ATF7IP: variants seen among roughly 807,000 people sequenced by gnomAD.
ATF7IP encodes the protein activating transcription factor 7 interacting protein, also known as activating transcription factor 7-interacting protein 1.
A neutral mutation model predicts 106.4 loss-of-function variants in ATF7IP; 23 were observed. The ratio of observed to expected loss-of-function variants is 0.22; its 90% CI spans 0.16 to 0.31. The LOEUF (loss-of-function observed/expected upper bound fraction) is 0.31, where lower values mean the gene tolerates loss of function less well. ATF7IP is among the 10% of genes least tolerant of loss of function. ATF7IP has a pLI of 1.00. For synonymous variants in ATF7IP, 542 were observed against 539.0 expected, an observed-to-expected ratio of 1.01 and a Z score of -0.08; for missense variants, 1,334 against 1,524.3, an observed-to-expected ratio of 0.88 and a Z score of 2.08.
At chr12:14,496,135 A>G (rs1014163361) in intron 13 of ATF7IP, 96 bp from the exon 14 acceptor site, 1 of 742,852 alleles carries the variant, frequency 1.3e-6, no homozygotes. Flanking sequence ...GAATCTTGAA[A>G]ACATTGCTTC....
At chr12:14,414,625 A>ATGGGGTG (rs1941107386) in intron 1 of ATF7IP, among the ~76,000 whole-genome samples, 2 of 152,180 alleles carry the variant, frequency 1.3e-5, no homozygotes, top group Non-Finnish European at 2.9e-5. Flanking sequence ...CCTCTGCCAC[A>ATGGGGTG]AGGCCTAGAT....
intron 13 of ATF7IP, among the ~76,000 whole-genome samples, chr12:14,485,903 G>C (rs1263227757): frequency 6.6e-6 from 1 of 152,214 alleles, no homozygotes; most frequent in African/African-American, 2.4e-5. Context: ...ATTGAATGGG[G>C]ATGTGGTGGC....
At chr12:14,456,966 T>A (rs1242364731) in intron 7 of ATF7IP, among the ~76,000 whole-genome samples, 1 of 152,242 alleles carries the variant, frequency 6.6e-6, no homozygotes, top group Non-Finnish European at 1.5e-5. Context: ...GTATTCAGGT[T>A]AAGTACTGAT....
intron 5 of ATF7IP, among the ~76,000 whole-genome samples, chr12:14,443,839 A>G (rs546814561): frequency 1.4e-4 from 22 of 152,270 alleles, no homozygotes; most frequent in African/African-American, 4.8e-4. Flanking sequence ...ATATAAGGAC[A>G]ATATATTCTA....
chr12:14,459,741 G>A (rs1943568702), intron 8 of ATF7IP, among the ~76,000 whole-genome samples: 1 of 152,224 alleles, frequency 6.6e-6, no homozygotes, highest in Admixed American at 6.5e-5. Context: ...ATAAATCAAT[G>A]AGAAAGAAGT....
chr12:14,397,247 A>T (rs1419113560), intron 1 of ATF7IP, among the ~76,000 whole-genome samples: 1 of 152,224 alleles, frequency 6.6e-6, no homozygotes, highest in Non-Finnish European at 1.5e-5. Context: ...GAGGCTATTG[A>T]AGTTGAGTGT....
At chr12:14,410,493 A>T (rs749516014) in intron 1 of ATF7IP, among the ~76,000 whole-genome samples, 8 of 152,166 alleles carry the variant, frequency 5.3e-5, no homozygotes, top group Non-Finnish European at 1.2e-4. Context: ...ATTTAGTAAC[A>T]GCTTCAACGT....
At chr12:14,386,327 T>C (rs1346735702) in intron 1 of ATF7IP, among the ~76,000 whole-genome samples, 1 of 152,160 alleles carries the variant, frequency 6.6e-6, no homozygotes, top group Non-Finnish European at 1.5e-5. Context: ...GAAATTCTTA[T>C]TCACGTAGTA....
chr12:14,457,451 A>G (rs1943471223), intron 8 of ATF7IP, among the ~76,000 whole-genome samples, 156 bp downstream of exon 8: 1 of 152,198 alleles, frequency 6.6e-6, no homozygotes, highest in Admixed American at 6.5e-5. Flanking sequence ...CAAACTGGGT[A>G]TGGTGGCACA....
At position 14,387,501 on chromosome 12, in the gene ATF7IP, C is replaced by T. The variant is rs570251411; in HGVS notation, c.-8+21674C>T. ...AGTTTATGCTGGTCTTGAGTGGGAT[C>T]TTAGGGAAATTTTAATAACCCAGTC... On this transcript the variant is annotated intron_variant, in intron 1 of 14. Transcript: ENST00000261168. Among the ~76,000 whole-genome samples, 3 of 152,150 alleles carry T rather than the reference C, an allele frequency of 2.0e-5. No individual in the cohort carries two copies. In the South Asian group the frequency reaches 6.2e-4, roughly 32 times the overall value.
intron 1 of ATF7IP, among the ~76,000 whole-genome samples, chr12:14,368,177 G>A (rs1260688026): frequency 6.6e-6 from 1 of 151,974 alleles, no homozygotes; most frequent in Admixed American, 6.6e-5. Flanking sequence ...ACAATGCTTA[G>A]AAATAACCAC....
Position 14,424,994 on chromosome 12 carries a change from G to T in ATF7IP, c.1079G>T (p.Cys360Phe). 6.2e-7 allele frequency: 1 copy of T among 1,611,152 alleles called. No homozygotes were observed. The highest frequency in any genetic ancestry group is 8.5e-7 in the Non-Finnish European group (1 of 1,179,330). The change falls in exon 2 of 15, where the codon TGT becomes TTT. Residue 360 changes from cysteine (C) to phenylalanine (F), a missense_variant. By Grantham distance (205) the Cys-to-Phe change is radical. This residue lies in a region of ATF7IP where 438 missense variants were observed against 405.3 expected (regional missense o/e 1.08). Transcript: ENST00000261168. ...ETLETDDTTI[C>F]SDRPPENEKK... is the part of the protein sequence containing the mutation. The stretch of plus-strand genomic sequence containing the variant: ...CTAGAAACAGATGATACAACTATTT[G>T]TTCAGATCGACCTCCTGAAAATGAA...
At chr12:14,441,478 T>C (rs1344585163) in intron 5 of ATF7IP, among the ~76,000 whole-genome samples, 1 of 149,472 alleles carries the variant, frequency 6.7e-6, no homozygotes, top group Non-Finnish European at 1.5e-5. Flanking sequence ...ATATTCTGGA[T>C]ACCAAAGTCT....
At chr12:14,456,966 T>G (rs1242364731) in intron 7 of ATF7IP, among the ~76,000 whole-genome samples, 1 of 152,242 alleles carries the variant, frequency 6.6e-6, no homozygotes, top group Non-Finnish European at 1.5e-5. Context: ...GTATTCAGGT[T>G]AAGTACTGAT....
At chr12:14,431,554 A>G (rs1056353982) in intron 2 of ATF7IP, among the ~76,000 whole-genome samples, 6 of 151,916 alleles carry the variant, frequency 3.9e-5, no homozygotes, top group African/African-American at 1.5e-4. Context: ...ACCACTACAT[A>G]CAGCTAATTT....
In ATF7IP at chr12:14,434,373, A is replaced by G; in HGVS notation, c.1595A>G (p.Glu532Gly). Residue 532 changes from glutamate (E) to glycine (G), a missense_variant, in exon 3 of 15, where the codon GAG becomes GGG. Glu to Gly is a moderately conservative substitution (Grantham distance 98). Transcript: ENST00000261168. ...VESNEKDNKP[E>G]EEEQVIHEDD... ...AGTAATGAAAAGGACAACAAACCTG[A>G]GGAAGAAGAGCAAGTAATACATGAA... The G allele has an allele frequency of 1.3e-6, 2 of 1,593,944 alleles. No homozygotes were observed. Among genetic ancestry groups the G allele is most frequent in the Non-Finnish European group, 1.7e-6 (2 of 1,164,306 alleles).
intron 1 of ATF7IP, among the ~76,000 whole-genome samples, chr12:14,377,905 G>A (rs963701698): frequency 3.3e-5 from 5 of 151,968 alleles, no homozygotes; most frequent in African/African-American, 2.4e-5. Context: ...TGGGATTACA[G>A]GCATAAGCCA....
intron 1 of ATF7IP, among the ~76,000 whole-genome samples, chr12:14,377,260 G>A (rs1938782711): frequency 6.6e-6 from 1 of 151,814 alleles, no homozygotes; most frequent in Non-Finnish European, 1.5e-5. Context: ...CTCCCAAAGT[G>A]CTGTGGTTAT....
intron 13 of ATF7IP, among the ~76,000 whole-genome samples, chr12:14,491,214 T>C (rs1170611794): frequency 1.3e-5 from 2 of 152,140 alleles, no homozygotes; most frequent in African/African-American, 2.4e-5. Context: ...CACTCAAAAC[T>C]GGCAGCCTTT....
Sources: gnomAD v4.1 joint callset for allele counts (sites outside exome capture counted in the v4.1 genomes callset) on GRCh38, gnomAD v4.1.1 for gene constraint, gnomAD v4.1.1 regional missense constraint, MANE v1.5 for transcripts, NCBI Gene and HGNC (gene_info 2026-07-23, HGNC 2026-07-21) for gene names.